The following SNX18 variants were observed in gnomAD, a reference collection of about 807,000 sequenced individuals.
SNX18 encodes sorting nexin 18.
SNX18 carries 35 observed loss-of-function variants against 48.7 expected under a neutral mutation model. That is an observed-to-expected ratio of 0.72 (90% CI 0.55 to 0.95). The LOEUF is 0.95. Ranked by LOEUF, SNX18 falls within the 40% of genes least tolerant of loss-of-function variation. The pLI, the probability that SNX18 is intolerant of heterozygous loss-of-function variation, is 0.00. For missense variants in SNX18, 824 were observed against 871.0 expected, an observed-to-expected ratio of 0.95 and a Z score of 0.68; for synonymous variants, 492 against 384.7, an observed-to-expected ratio of 1.28 and a Z score of -3.26.
At position 54,528,313 on chromosome 5, in the gene SNX18, A is replaced by C. The variant is rs188289821; in HGVS notation, c.1621+8740A>C. On this transcript the variant is annotated intron_variant, in intron 1 of 1. Coordinates refer to ENST00000381410, the MANE Select transcript of SNX18 (RefSeq NM_001102575.2). ...TGAGCTCATGTGTAGAGCAGTAGGT[A>C]CTTGCCCTCATGGAAGGCCCACTCA... Among the ~76,000 whole-genome samples the C allele has an allele frequency of 1.8e-4, 27 of 152,056 alleles. No individual in the cohort carries two copies. In the East Asian group the frequency reaches 5.3e-3, roughly 30 times the overall value.
chr5:54,574,316 C>G, the SNX18 span, among the ~76,000 whole-genome samples: 1 of 152,198 alleles, frequency 6.6e-6, no homozygotes, highest in African/African-American at 2.4e-5. Flanking sequence ...AAGTAGGAAG[C>G]AGAAGCTGCC....
At chr5:54,561,230 G>A in the SNX18 span, among the ~76,000 whole-genome samples, 752 of 151,788 alleles carry the variant, frequency 5.0e-3, 5 homozygotes, top group Middle Eastern at 0.017. Flanking sequence ...TTAGTAAGAC[G>A]GGGTTTCTCC....
the SNX18 span, among the ~76,000 whole-genome samples, chr5:54,640,519 C>T: frequency 9.2e-5 from 14 of 152,252 alleles, no homozygotes; most frequent in East Asian, 9.7e-4. Flanking sequence ...CCACTGTGCC[C>T]GCCAGAGTAG....
chr5:54,573,882 A>G, the SNX18 span, among the ~76,000 whole-genome samples: 1 of 152,168 alleles, frequency 6.6e-6, no homozygotes, highest in African/African-American at 2.4e-5. Flanking sequence ...GATTTTTATT[A>G]TTTACTTAAG....
chr5:54,526,639 C>T (rs1343732904), intron 1 of SNX18, among the ~76,000 whole-genome samples: 4 of 152,110 alleles, frequency 2.6e-5, no homozygotes, highest in Admixed American at 6.6e-5. Flanking sequence ...TCAACAAATA[C>T]GTATGTACCC....
At chr5:54,537,282 A>G (rs1488626352) in intron 1 of SNX18, among the ~76,000 whole-genome samples, 1 of 152,222 alleles carries the variant, frequency 6.6e-6, no homozygotes, top group East Asian at 1.9e-4. Context: ...TGGAAACGGT[A>G]CTACTTAATT....
chr5:54,575,408 T>A, the SNX18 span, among the ~76,000 whole-genome samples: 3 of 147,678 alleles, frequency 2.0e-5, no homozygotes, highest in African/African-American at 7.6e-5. Context: ...AGTCTTGCTC[T>A]GTCACCCAGG....
At chr5:54,558,664 T>A in the SNX18 span, among the ~76,000 whole-genome samples, 1 of 152,194 alleles carries the variant, frequency 6.6e-6, no homozygotes, top group African/African-American at 2.4e-5. Flanking sequence ...CTTCCTTTAC[T>A]TGTGTGTATG....
At chr5:54,562,935 G>T in the SNX18 span, among the ~76,000 whole-genome samples, 1 of 152,140 alleles carries the variant, frequency 6.6e-6, no homozygotes. Context: ...ACCCTGTGTA[G>T]GCCAGGCTAA....
At position 54,518,471 on chromosome 5, in the gene SNX18, C is replaced by T. The variant is rs1482569753; in HGVS notation, c.519C>T (p.Ser173=). Reference sequence around the variant, plus strand: ...CGGACGAGCCGGGCGCTCTGGGCAGCGGAGCATACCCGGACCTCGACGGCT... The same window carrying T: ...CGGACGAGCCGGGCGCTCTGGGCAGTGGAGCATACCCGGACCTCGACGGCT... The part of the protein sequence containing the change: ...TVADEPGALG[S]GAYPDLDGSS... Residue 173 remains serine, a synonymous_variant, in exon 1 of 2, where the codon AGC becomes AGT. Coordinates refer to ENST00000381410, the MANE Select transcript of SNX18 (RefSeq NM_001102575.2). 2.5e-6 allele frequency: 4 copies of T among 1,570,274 alleles called. No homozygotes were observed. Among genetic ancestry groups the T allele is most frequent in the East Asian group, 4.7e-5 (2 of 42,116 alleles).
At chr5:54,609,371 A>C in the SNX18 span, among the ~76,000 whole-genome samples, 1 of 152,080 alleles carries the variant, frequency 6.6e-6, no homozygotes, top group Non-Finnish European at 1.5e-5. Context: ...CTAACACCTG[A>C]AGAAAATCTC....
chr5:54,582,685 G>A, the SNX18 span, among the ~76,000 whole-genome samples: 2 of 152,134 alleles, frequency 1.3e-5, no homozygotes, highest in African/African-American at 4.8e-5. Flanking sequence ...TCAGCTACTT[G>A]GGAGGCTGAG....
the SNX18 span, among the ~76,000 whole-genome samples, chr5:54,632,314 G>A: frequency 6.6e-6 from 1 of 152,232 alleles, no homozygotes; most frequent in Non-Finnish European, 1.5e-5. Flanking sequence ...TGCCAAGACA[G>A]AGCCCTGAAA....
the SNX18 span, among the ~76,000 whole-genome samples, chr5:54,622,700 G>A: frequency 6.6e-6 from 1 of 150,692 alleles, no homozygotes; most frequent in African/African-American, 2.4e-5. Flanking sequence ...TAAAAGCTTG[G>A]CCAGGTGCTT....
chr5:54,632,769 T>G, the SNX18 span, among the ~76,000 whole-genome samples: 1 of 151,930 alleles, frequency 6.6e-6, no homozygotes, highest in African/African-American at 2.4e-5. Context: ...AGGGCAGTAA[T>G]TTTTATTTTT....
the SNX18 span, among the ~76,000 whole-genome samples, chr5:54,612,723 C>T: frequency 6.6e-6 from 1 of 152,174 alleles, no homozygotes; most frequent in Non-Finnish European, 1.5e-5. Flanking sequence ...GGTCCCTTTT[C>T]CTTCTCCACT....
the SNX18 span, among the ~76,000 whole-genome samples, chr5:54,613,111 G>A: frequency 6.6e-6 from 1 of 152,210 alleles, no homozygotes; most frequent in South Asian, 2.1e-4. Flanking sequence ...TGCCTTCAAG[G>A]GCAGGTGGGT....
chr5:54,579,845 C>T, the SNX18 span, among the ~76,000 whole-genome samples: 1 of 152,210 alleles, frequency 6.6e-6, no homozygotes, highest in Non-Finnish European at 1.5e-5. Context: ...TCCTCCTTCT[C>T]AAGTTCTCAA....
intron 1 of SNX18, among the ~76,000 whole-genome samples, chr5:54,535,657 GC>G: frequency 6.6e-6 from 1 of 152,132 alleles, no homozygotes; most frequent in South Asian, 2.1e-4. Context: ...GCCAGGGCTG[GC>G]AGGCATGTGG....
Sources: gnomAD v4.1 joint callset for allele counts (sites outside exome capture counted in the v4.1 genomes callset) on GRCh38, gnomAD v4.1.1 for gene constraint, MANE v1.5 for transcripts, NCBI Gene and HGNC (gene_info 2026-07-23, HGNC 2026-07-21) for gene names.